Variants in IL7 observed in about 807,000 individuals in gnomAD.
The protein encoded by IL7 is interleukin-7.
In IL7, 3 loss-of-function variants were observed where a neutral mutation model predicts 21.6. That is an observed-to-expected ratio of 0.14 (90% confidence interval 0.06 to 0.36). The LOEUF (loss-of-function observed/expected upper bound fraction) is 0.36, where lower values mean the gene tolerates loss of function less well. Ranked by LOEUF, IL7 falls within the 10% of genes least tolerant of loss-of-function variation. IL7 has a pLI of 1.00. For synonymous variants in IL7, 62 were observed against 68.1 expected (o/e 0.91, Z 0.44); for missense variants, 175 against 200.2 (o/e 0.87, Z 0.76).
At chr8:78,795,543 A>G (rs2130839178) in intron 2 of IL7, among the ~76,000 whole-genome samples, 1 of 152,108 alleles carries the variant, frequency 6.6e-6, no homozygotes, top group Middle Eastern at 3.4e-3. Flanking sequence ...AAGCTCCTCT[A>G]TATTCTCCCA....
chr8:78,746,705 C>A (rs1477036219), intron 2 of IL7, among the ~76,000 whole-genome samples: 1 of 152,182 alleles, frequency 6.6e-6, no homozygotes, highest in Non-Finnish European at 1.5e-5. Flanking sequence ...TCGAACTCAG[C>A]CAAACTGCAT....
intron 4 of IL7, among the ~76,000 whole-genome samples, chr8:78,684,187 T>A (rs1420696321): frequency 6.6e-6 from 1 of 152,178 alleles, no homozygotes; most frequent in Non-Finnish European, 1.5e-5. Flanking sequence ...CAGTACCAAC[T>A]TACTGTATTA....
intron 2 of IL7, chr8:78,761,842 G>A: frequency 6.2e-7 from 1 of 1,611,990 alleles, no homozygotes; most frequent in Non-Finnish European, 8.5e-7. Context: ...CTGGAGTAAA[G>A]AGACCTTCTG....
intron 2 of IL7, among the ~76,000 whole-genome samples, chr8:78,764,777 TG>T (rs1200514766): frequency 6.6e-6 from 1 of 152,108 alleles, no homozygotes; most frequent in East Asian, 1.9e-4. Context: ...ACAGACTCAA[TG>T]CAATTCCAAT....
At chr8:78,779,565 C>A (rs1563432727) in intron 2 of IL7, among the ~76,000 whole-genome samples, 1 of 152,126 alleles carries the variant, frequency 6.6e-6, no homozygotes, top group Non-Finnish European at 1.5e-5. Flanking sequence ...GTTGCACCAG[C>A]CTTACATCCC....
At chr8:78,798,752 G>T (rs1049755586) in intron 1 of IL7, among the ~76,000 whole-genome samples, 1 of 151,942 alleles carries the variant, frequency 6.6e-6, no homozygotes, top group Non-Finnish European at 1.5e-5. Context: ...ACCCTGAAGG[G>T]TTTACATTCC....
chr8:78,791,950 T>C (rs1428818103), intron 2 of IL7, among the ~76,000 whole-genome samples: 1 of 152,088 alleles, frequency 6.6e-6, no homozygotes, highest in Admixed American at 6.6e-5. Flanking sequence ...AAAAAGGTAG[T>C]CAATCCATAA....
At chr8:78,722,398 T>A (rs1384324237) in intron 3 of IL7, among the ~76,000 whole-genome samples, 4 of 147,192 alleles carry the variant, frequency 2.7e-5, no homozygotes, top group Admixed American at 1.3e-4. Flanking sequence ...TTTTTAATTT[T>A]AAAATTTTTA....
intron 2 of IL7, among the ~76,000 whole-genome samples, chr8:78,791,090 A>G (rs1196764377): frequency 6.6e-6 from 1 of 152,118 alleles, no homozygotes; most frequent in African/African-American, 2.4e-5. Flanking sequence ...ATGTTTGATG[A>G]GGATGCCAAG....
chr8:78,717,323 T>C (rs1039383552), downstream of IL7: 6 of 1,600,684 alleles, frequency 3.7e-6, no homozygotes, highest in Non-Finnish European at 5.1e-6. Context: ...TCTTTACTTT[T>C]TTAGGCCAGA....
chr8:78,765,314 A>C (rs1812721763), intron 2 of IL7, among the ~76,000 whole-genome samples: 1 of 152,132 alleles, frequency 6.6e-6, no homozygotes, highest in Non-Finnish European at 1.5e-5. Flanking sequence ...GATCTATGAA[A>C]GAGGTGATTG....
At chr8:78,776,937 T>A (rs1475267445) in intron 2 of IL7, among the ~76,000 whole-genome samples, 3 of 152,062 alleles carry the variant, frequency 2.0e-5, no homozygotes, top group Admixed American at 1.3e-4. Context: ...GATGAAAACA[T>A]CTGTGATCTT....
At chr8:78,735,282 T>TTTG (rs1811544097) in intron 5 of IL7, among the ~76,000 whole-genome samples, 1 of 130,350 alleles carries the variant, frequency 7.7e-6, no homozygotes. Context: ...TTTTCTTTTT[T>TTTG]TTTTTTTTTT....
intron 4 of IL7, among the ~76,000 whole-genome samples, chr8:78,682,397 G>A (rs984415547): frequency 3.3e-5 from 5 of 150,988 alleles, no homozygotes; most frequent in South Asian, 2.1e-4. Flanking sequence ...CCATGTGGCC[G>A]AGGAGGCCTC....
At chr8:78,676,989 A>G (rs542925041) in intron 4 of IL7, among the ~76,000 whole-genome samples, 1 of 152,132 alleles carries the variant, frequency 6.6e-6, no homozygotes, top group South Asian at 2.1e-4. Context: ...TGCTATCCTC[A>G]TTTTTTAAAA....
At chr8:78,779,972 T>C (rs1036430133) in intron 2 of IL7, among the ~76,000 whole-genome samples, 1 of 152,208 alleles carries the variant, frequency 6.6e-6, no homozygotes, top group African/African-American at 2.4e-5. Flanking sequence ...TGGGAGTATA[T>C]ATCTGTCCAG....
At chr8:78,722,013 A>G (rs1329957059) in intron 3 of IL7, among the ~76,000 whole-genome samples, 4 of 151,996 alleles carry the variant, frequency 2.6e-5, no homozygotes, top group Admixed American at 2.6e-4. Flanking sequence ...AAAATATTCC[A>G]ATTACATAAA....
intron 4 of IL7, chr8:78,678,700 A>G (rs1295048757): frequency 6.5e-7 from 1 of 1,550,040 alleles, no homozygotes; most frequent in South Asian, 1.2e-5. Flanking sequence ...AACCTTTTGA[A>G]CAGTATGAAC....
intron 2 of IL7, among the ~76,000 whole-genome samples, chr8:78,782,848 G>A (rs1005800464): frequency 7.2e-5 from 11 of 152,178 alleles, no homozygotes; most frequent in African/African-American, 2.4e-4. Context: ...CCATCCCAGG[G>A]GTATCAGAGC....
Sources: gnomAD v4.1 joint callset for allele counts (sites outside exome capture counted in the v4.1 genomes callset) on GRCh38, gnomAD v4.1.1 for gene constraint, MANE v1.5 for transcripts, NCBI Gene and HGNC (gene_info 2026-07-23, HGNC 2026-07-21) for gene names.